Variants in OR2K2 observed in about 807,000 individuals in gnomAD.
The protein encoded by OR2K2 is olfactory receptor family 2 subfamily K member 2.
OR2K2 carries 7 observed loss-of-function variants against 11.1 expected under a neutral mutation model. The ratio of observed to expected loss-of-function variants is 0.63; its 90% CI spans 0.36 to 1.19. OR2K2 has a LOEUF of 1.19. Among genes scored for constraint, OR2K2 ranks in the 50% most tolerant of loss-of-function variants. OR2K2 has a pLI of 0.02. For missense variants in OR2K2, 391 were observed against 383.4 expected (o/e 1.02, Z -0.17); for synonymous variants, 152 against 150.8 (o/e 1.01, Z -0.06).
Position 111,327,588 on chromosome 9 carries a change from A to AC in OR2K2, c.845_846insG (p.Met283TyrfsTer62). 1 of 1,614,068 alleles carries AC rather than the reference A, an allele frequency of 6.2e-7. No homozygotes were observed. Among genetic ancestry groups the AC allele is most frequent in the Non-Finnish European group, 8.5e-7 (1 of 1,179,938 alleles). ...AACTGTAAATTATGGGGTTCAACAT[A>AC]GGGGTAAGCACTCCGTAAAGCAACG... On this transcript the variant is annotated frameshift_variant, in exon 2 of 2. Transcript: ENST00000302681. LOFTEE classifies it high-confidence loss of function.
Position 111,327,542 on chromosome 9 carries a change from C to T in OR2K2, c.892G>A (p.Asp298Asn). The T allele has an allele frequency of 6.2e-7, 1 of 1,612,550 alleles. No homozygotes were observed. Among genetic ancestry groups the T allele is most frequent in the Non-Finnish European group, 8.5e-7 (1 of 1,179,648 alleles). ...IYSLRNKEVK[D>N]AMKKLLGKIT... is the part of the protein sequence containing the mutation. ...TTGCCCAGCAATTTCTTCATAGCAT[C>T]TTTGACTTCCTTGTTTCTTAAACTG... Residue 298 changes from aspartate (D) to asparagine (N), a missense_variant, in exon 2 of 2, where the codon GAT (aspartate) becomes AAT (asparagine). Transcript: ENST00000302681.
chr9:111,327,736 C>A lies in OR2K2; in HGVS notation c.698G>T (p.Arg233Ile). 1 of 1,614,164 alleles carries A rather than the reference C, an allele frequency of 6.2e-7. No homozygotes were observed. The change falls in exon 2 of 2, where the codon AGA becomes ATA. Residue 233 changes from arginine (R) to isoleucine (I), a missense_variant. Physicochemically the swap from Arg to Ile is moderately conservative, Grantham distance 97. Coordinates refer to ENST00000302681, the MANE Select transcript of OR2K2 (RefSeq NM_205859.2). The part of the protein sequence containing the change: ...TILRITSAEG[R>I]NKAFSTCGAH... ...ACCACAGGTAGAAAAAGCCTTGTTTCTTCCCTCTGCTGAGGTGATTCTCAG... is the reference window on the plus strand; with the variant it reads ...ACCACAGGTAGAAAAAGCCTTGTTTATTCCCTCTGCTGAGGTGATTCTCAG...
At chr9:111,328,786 T>C (rs550728867) in intron 1 of OR2K2, among the ~76,000 whole-genome samples, 3 of 152,288 alleles carry the variant, frequency 2.0e-5, no homozygotes, top group Non-Finnish European at 2.9e-5. Flanking sequence ...AGGAAAAATA[T>C]GAATGTACAT....
At position 111,328,248 on chromosome 9, in the gene OR2K2, G is replaced by T; in HGVS notation, c.186C>A (p.Phe62Leu). Residue 62 changes from phenylalanine (F) to leucine (L), a missense_variant, in exon 2 of 2, where the codon TTC becomes TTA. Physicochemically the swap from Phe to Leu is conservative, Grantham distance 22. Transcript: ENST00000302681. ...TATCCATGAAAGAGAGATTTCCAAG[G>T]AATAAGTACATGGGGGTTTTAAGGC... ...DSRLKTPMYL[F>L]LGNLSFMDIC... 1 of 1,614,150 alleles carries T rather than the reference G, an allele frequency of 6.2e-7. No individual in the cohort carries two copies. Among genetic ancestry groups the T allele is most frequent in the African/African-American group, 1.3e-5 (1 of 75,046 alleles).
chr9:111,328,839 A>G (rs979772280), intron 1 of OR2K2, among the ~76,000 whole-genome samples: 2 of 152,196 alleles, frequency 1.3e-5, no homozygotes, highest in Non-Finnish European at 2.9e-5. Context: ...AATCCAGATA[A>G]GTGAGGAAAA....
chr9:111,327,698 C>G lies in OR2K2; in HGVS notation c.736G>C (p.Val246Leu). ...GCAGCCCCATAATACAAAATCACCA[C>G]AGTCAAATGGGCACCACAGGTAGAA... The part of the protein sequence containing the change: ...AFSTCGAHLT[V>L]VILYYGAALS... Residue 246 changes from valine (V) to leucine (L), a missense_variant, in exon 2 of 2, where the codon GTG becomes CTG. By Grantham distance (32) the Val-to-Leu change is conservative. Transcript: ENST00000302681. The G allele has an allele frequency of 6.2e-7, 1 of 1,614,074 alleles. No homozygotes were observed. Among genetic ancestry groups the G allele is most frequent in the Non-Finnish European group, 8.5e-7 (1 of 1,179,980 alleles).
chr9:111,327,835 A>C lies in OR2K2; in HGVS notation c.599T>G (p.Val200Gly). 1.2e-6 allele frequency: 2 copies of C among 1,614,130 alleles called. No individual in the cohort carries two copies. Among genetic ancestry groups the C allele is most frequent in the Non-Finnish European group, 1.7e-6 (2 of 1,179,958 alleles). Residue 200 changes from valine (V) to glycine (G), a missense_variant, in exon 2 of 2, where the codon GTG (valine) becomes GGG (glycine). Val to Gly is a moderately radical substitution (Grantham distance 109). Transcript: ENST00000302681. ...AATTGGCAAGAGGAGAATGCTGACCACCAGCATGATGGTGTTCATGAGCAG... is the reference window on the plus strand; with the variant it reads ...AATTGGCAAGAGGAGAATGCTGACCCCCAGCATGATGGTGTTCATGAGCAG... ...SSLLMNTIML[V>G]VSILLLPIPM... is the part of the protein sequence containing the mutation.
intron 1 of OR2K2, among the ~76,000 whole-genome samples, chr9:111,328,899 G>A (rs2098102081): frequency 6.6e-6 from 1 of 152,202 alleles, no homozygotes; most frequent in Non-Finnish European, 1.5e-5. Flanking sequence ...ACTAAAAGAA[G>A]AGGAGGAACC....
Position 111,330,095 on chromosome 9 carries a change from A to T in OR2K2, c.-50+11T>A, listed in dbSNP as rs950348324. 2.6e-5 allele frequency: 4 copies of T among 152,208 alleles called. No homozygotes were observed. In the South Asian group the frequency reaches 8.3e-4, roughly 31 times the overall value. The allele number at this position is 152,208 out of a possible 1,614,324, so 9.4% of individuals were successfully genotyped here. On this transcript the variant is annotated intron_variant, in intron 1 of 1. Coordinates refer to ENST00000302681, the MANE Select transcript of OR2K2 (RefSeq NM_205859.2). ...GCACAAGTTTTTAAGTGAAAAAATCAGCCCAGTTACCTGAGATTTGATATT... is the reference window on the plus strand; with the variant it reads ...GCACAAGTTTTTAAGTGAAAAAATCTGCCCAGTTACCTGAGATTTGATATT...
At position 111,327,619 on chromosome 9, in the gene OR2K2, A is replaced by G; in HGVS notation, c.815T>C (p.Ile272Thr). ...AAGCACTCCGTAAAGCAACGAGATG[A>G]TTTTGTCTATTTTTTGTGCATTTGA... is the stretch of plus-strand genomic sequence containing the variant. The part of the protein sequence containing the change: ...SSSNAQKIDK[I>T]ISLLYGVLTP... Residue 272 changes from isoleucine to threonine, a missense_variant, in exon 2 of 2, where the codon ATC (isoleucine) becomes ACC (threonine). Physicochemically the swap from Ile to Thr is moderately conservative, Grantham distance 89. Transcript: ENST00000302681. 6.2e-7 allele frequency: 1 copy of G among 1,614,126 alleles called. No individual in the cohort carries two copies. The highest frequency in any genetic ancestry group is 8.5e-7 in the Non-Finnish European group (1 of 1,180,000).
rs776494950 is a variant in OR2K2, at chr9:111,328,436, T to C, written c.-3A>G. 4 of 1,586,140 alleles carry C rather than the reference T, an allele frequency of 2.5e-6. No individual in the cohort carries two copies. In the East Asian group the frequency reaches 8.9e-5, roughly 35 times the overall value. ...ATGGTGAAGTTTTCTCCTTGCATTT[T>C]CTTTCTTTCATCTATATTTCTTCCA... On this transcript the variant is annotated 5_prime_UTR_variant, in exon 2 of 2. Coordinates refer to ENST00000302681, the MANE Select transcript of OR2K2 (RefSeq NM_205859.2).
chr9:111,327,511 G>C lies in OR2K2; in HGVS notation c.923C>G (p.Thr308Arg), dbSNP rs985343501. 1 of 1,609,590 alleles carries C rather than the reference G, an allele frequency of 6.2e-7. No individual in the cohort carries two copies. Among genetic ancestry groups the C allele is most frequent in the Middle Eastern group, 1.7e-4 (1 of 6,026 alleles). The change falls in exon 2 of 2, where the codon ACA (threonine) becomes AGA (arginine). Residue 308 changes from threonine to arginine, a missense_variant. By Grantham distance (71) the Thr-to-Arg change is moderately conservative. Transcript: ENST00000302681. Reference sequence around the variant, plus strand: ...GAGATGTTCGTGTGTTTGATGCAATGTTATTTTGCCCAGCAATTTCTTCAT... The same window carrying C: ...GAGATGTTCGTGTGTTTGATGCAATCTTATTTTGCCCAGCAATTTCTTCAT... Reference protein sequence around the residue: ...DAMKKLLGKITLHQTHEHL With the variant: ...DAMKKLLGKIRLHQTHEHL
chr9:111,327,539 C>T lies in OR2K2; in HGVS notation c.895G>A (p.Ala299Thr). 1 of 1,612,112 alleles carries T rather than the reference C, an allele frequency of 6.2e-7. No individual in the cohort carries two copies. Among genetic ancestry groups the T allele is most frequent in the East Asian group, 2.2e-5 (1 of 44,870 alleles). ...YSLRNKEVKD[A>T]MKKLLGKITL... The stretch of plus-strand genomic sequence containing the variant: ...ATTTTGCCCAGCAATTTCTTCATAG[C>T]ATCTTTGACTTCCTTGTTTCTTAAA... Residue 299 changes from alanine (A) to threonine (T), a missense_variant, in exon 2 of 2, where the codon GCT (alanine) becomes ACT (threonine). By Grantham distance (58) the Ala-to-Thr change is moderately conservative. Coordinates refer to ENST00000302681, the MANE Select transcript of OR2K2 (RefSeq NM_205859.2).
In OR2K2 at chr9:111,328,875, CA is replaced by C. The variant is rs533390786; in HGVS notation, c.-49-394del. Reference sequence around the variant, plus strand: ...GAAAGCTCAAATGTACAATAAAAAGCAATATTGATCTTCACTAAAAGAAGAG... The same window carrying C: ...GAAAGCTCAAATGTACAATAAAAAGCATATTGATCTTCACTAAAAGAAGAG... On this transcript the variant is annotated intron_variant, in intron 1 of 1. Transcript: ENST00000302681. 4.1e-4 allele frequency among the ~76,000 whole-genome samples: 63 copies of C among 152,216 alleles called. 2 individuals carry two copies. In the South Asian group the frequency reaches 0.013, roughly 31 times the overall value.
Position 111,328,496 on chromosome 9 carries a change from G to A in OR2K2, c.-49-14C>T, listed in dbSNP as rs1429253046. The A allele has an allele frequency of 2.7e-6, 3 of 1,091,918 alleles. No individual in the cohort carries two copies. Among genetic ancestry groups the A allele is most frequent in the South Asian group, 1.4e-5 (1 of 72,484 alleles). 67.6% of individuals were successfully genotyped at this position (1,091,918 alleles called of 1,614,324 possible). A position where few individuals can be genotyped will look rare whatever the true frequency, so the allele number is the denominator to read the frequency against. On this transcript the variant is annotated splice_polypyrimidine_tract_variant and intron_variant, in intron 1 of 1. Coordinates refer to ENST00000302681, the MANE Select transcript of OR2K2 (RefSeq NM_205859.2). ...CCTTCATTTAATCTGAGGACATAAA[G>A]AAATGAATAAAGTGTGATATTCATT...
chr9:111,328,656 A>G, intron 1 of OR2K2, 174 bp from the exon 2 acceptor site: 1 of 542,292 alleles, frequency 1.8e-6, no homozygotes, highest in Non-Finnish European at 3.2e-6. Flanking sequence ...TTCCACAACA[A>G]AATTTAGAAA....
At position 111,328,492 on chromosome 9, in the gene OR2K2, TAAAG is replaced by T. The variant is rs1391845641; in HGVS notation, c.-49-14_-49-11del. On this transcript the variant is annotated splice_polypyrimidine_tract_variant and intron_variant, in intron 1 of 1. Coordinates refer to ENST00000302681, the MANE Select transcript of OR2K2 (RefSeq NM_205859.2). ...ATTCCCTTCATTTAATCTGAGGACA[TAAAG>T]AAATGAATAAAGTGTGATATTCATT... The T allele has an allele frequency of 8.9e-7, 1 of 1,123,328 alleles. No homozygotes were observed. Among genetic ancestry groups the T allele is most frequent in the Non-Finnish European group, 1.3e-6 (1 of 768,606 alleles). The allele number at this position is 1,123,328 out of a possible 1,614,324, so 69.6% of individuals were successfully genotyped here.
At chr9:111,328,592 T>C (rs980941205) in intron 1 of OR2K2, 110 bp from the exon 2 acceptor site, 2 of 622,390 alleles carry the variant, frequency 3.2e-6, no homozygotes, top group Non-Finnish European at 5.6e-6. Context: ...AATCACAGGA[T>C]AGTGTGTTTA....
In OR2K2 at chr9:111,327,548, C is replaced by A; in HGVS notation, c.886G>T (p.Val296Phe). 2 of 1,612,226 alleles carry A rather than the reference C, an allele frequency of 1.2e-6. No homozygotes were observed. Among genetic ancestry groups the A allele is most frequent in the Admixed American group, 1.7e-5 (1 of 59,402 alleles). The change falls in exon 2 of 2, where the codon GTC becomes TTC. Residue 296 changes from valine to phenylalanine, a missense_variant. By Grantham distance (50) the Val-to-Phe change is conservative. Coordinates refer to ENST00000302681, the MANE Select transcript of OR2K2 (RefSeq NM_205859.2). ...PIIYSLRNKE[V>F]KDAMKKLLGK... The stretch of plus-strand genomic sequence containing the variant: ...AGCAATTTCTTCATAGCATCTTTGA[C>A]TTCCTTGTTTCTTAAACTGTAAATT...
Sources: allele counts gnomAD v4.1 joint callset (sites outside exome capture counted in the v4.1 genomes callset), GRCh38; gene constraint gnomAD v4.1.1; transcripts MANE v1.5; gene names NCBI Gene and HGNC (gene_info 2026-07-23, HGNC 2026-07-21).